IFT122: variants seen among roughly 807,000 people sequenced by gnomAD.
IFT122 encodes the protein intraflagellar transport 122.
IFT122 carries 118 observed loss-of-function variants against 161.6 expected under a neutral mutation model. The ratio of observed to expected loss-of-function variants is 0.73; its 90% confidence interval spans 0.63 to 0.85. IFT122 has a LOEUF of 0.85. Among genes scored for constraint, IFT122 ranks in the 40% least tolerant of loss-of-function variants. The pLI is 0.00. For synonymous variants in IFT122, 550 were observed against 602.4 expected (o/e 0.91, Z 1.27); for missense variants, 1,381 against 1,579.6 (o/e 0.87, Z 2.13).
intron 17 of IFT122, among the ~76,000 whole-genome samples, chr3:129,494,550 C>G (rs1177411253): frequency 6.6e-6 from 1 of 152,206 alleles, no homozygotes; most frequent in Non-Finnish European, 1.5e-5. Context: ...ATATGCTGCT[C>G]TTTCTAGAAA....
In IFT122 at chr3:129,463,924, T is replaced by C. The variant is rs182903744; in HGVS notation, c.416+298T>C. Among the ~76,000 whole-genome samples the C allele has an allele frequency of 7.9e-3, 1,204 of 152,312 alleles. 76 individuals are homozygous for C. Among genetic ancestry groups the C allele is most frequent in the Admixed American group, 0.075 (1,152 of 15,298 alleles). ...AGGCTGTCATTGTCCAGGCAGCATGTGTGGGGAAGAAAGCTTTCCCTCCCA... is the reference window on the plus strand; with the variant it reads ...AGGCTGTCATTGTCCAGGCAGCATGCGTGGGGAAGAAAGCTTTCCCTCCCA... On this transcript the variant is annotated intron_variant, in intron 6 of 29. Coordinates refer to ENST00000348417, the MANE Select transcript of IFT122 (RefSeq NM_052989.3).
At chr3:129,501,208 A>G (rs971917915) in intron 19 of IFT122, among the ~76,000 whole-genome samples, 1 of 152,148 alleles carries the variant, frequency 6.6e-6, no homozygotes, top group Non-Finnish European at 1.5e-5. Flanking sequence ...ATGTGCACAC[A>G]CACGTGCACA....
At position 129,488,253 on chromosome 3, in the gene IFT122, G is replaced by T. The variant is rs748685976; in HGVS notation, c.1852-4G>T. On this transcript the variant is annotated splice_polypyrimidine_tract_variant and splice_region_variant and intron_variant, in intron 15 of 29. Coordinates refer to ENST00000348417, the MANE Select transcript of IFT122 (RefSeq NM_052989.3). ...TCTTTTTTTCCCTTGATGAAATCCT[G>T]CAGTCCGCTCCCATGTACCAGTACC... is the stretch of plus-strand genomic sequence containing the variant. The T allele has an allele frequency of 6.2e-7, 1 of 1,614,120 alleles. No homozygotes were observed. The highest frequency in any genetic ancestry group is 1.1e-5 in the South Asian group (1 of 91,088).
At chr3:129,504,234 T>TC in intron 20 of IFT122, 85 bp from the exon 21 acceptor site, 1 of 1,133,284 alleles carries the variant, frequency 8.8e-7, no homozygotes, top group Middle Eastern at 2.8e-4. Flanking sequence ...AAATATGATG[T>TC]CCCTAATGGA....
rs914289314 is a variant in IFT122, at chr3:129,490,375, T to C, written c.1993-1766T>C. Among the ~76,000 whole-genome samples, 12 of 152,230 alleles carry C rather than the reference T, an allele frequency of 7.9e-5. 1 individual carries two copies. Among genetic ancestry groups the C allele is most frequent in the Admixed American group, 6.5e-4 (10 of 15,296 alleles). ...GAGATGGACAGCCATCCCCACTAGATGGCAGAGAAGAGCTGCTGAGCTCCC... is the reference window on the plus strand; with the variant it reads ...GAGATGGACAGCCATCCCCACTAGACGGCAGAGAAGAGCTGCTGAGCTCCC... On this transcript the variant is annotated intron_variant, in intron 16 of 29. Coordinates refer to ENST00000348417, the MANE Select transcript of IFT122 (RefSeq NM_052989.3).
rs772158524 is a variant in IFT122, at chr3:129,464,739, G to C, written c.521G>C (p.Gly174Ala). Residue 174 changes from glycine to alanine, a missense_variant, in exon 7 of 30, where the codon GGC (glycine) becomes GCC (alanine). Gly to Ala is a moderately conservative substitution (Grantham distance 60). This residue lies in a region of IFT122 where 544 missense variants were observed against 648.0 expected (regional missense o/e 0.84). Transcript: ENST00000348417. ...EEKVKIERPGGSLSPIWSICW... is the reference protein window; with the variant it reads ...EEKVKIERPGASLSPIWSICW... ...AAAGTAAAGATCGAGCGGCCGGGGGGCTCCCTCTCGCCAATATGGTCCATC... is the reference window on the plus strand; with the variant it reads ...AAAGTAAAGATCGAGCGGCCGGGGGCCTCCCTCTCGCCAATATGGTCCATC... The C allele has an allele frequency of 1.9e-6, 3 of 1,613,980 alleles. No homozygotes were observed. The highest frequency in any genetic ancestry group is 1.7e-5 in the Admixed American group (1 of 59,998).
chr3:129,491,116 G>A (rs1289445752), intron 16 of IFT122, among the ~76,000 whole-genome samples: 1 of 152,214 alleles, frequency 6.6e-6, no homozygotes, highest in Non-Finnish European at 1.5e-5. Flanking sequence ...TCAGTCTCTT[G>A]ACAGGAAGCC....
chr3:129,463,431 T>A, intron 5 of IFT122, 129 bp from the exon 6 acceptor site: 4 of 749,044 alleles, frequency 5.3e-6, no homozygotes, highest in South Asian at 1.5e-5. Flanking sequence ...TTTGAGATTA[T>A]GTTTTTTCAT....
chr3:129,486,606 G>GA (rs1405933966), intron 15 of IFT122, among the ~76,000 whole-genome samples: 1 of 152,214 alleles, frequency 6.6e-6, no homozygotes, highest in African/African-American at 2.4e-5. Context: ...GTCTGGAAAG[G>GA]AAGAGTGGAG....
chr3:129,463,896 G>T (rs1404918267), intron 6 of IFT122, among the ~76,000 whole-genome samples: 2 of 152,218 alleles, frequency 1.3e-5, no homozygotes, highest in Non-Finnish European at 2.9e-5. Flanking sequence ...TGTTGAAAAT[G>T]TGAGGCTGTC....
chr3:129,441,901 A>G (rs531588183), intron 1 of IFT122, among the ~76,000 whole-genome samples: 1 of 152,336 alleles, frequency 6.6e-6, no homozygotes, highest in East Asian at 1.9e-4. Context: ...TTTGGCTTCA[A>G]TGTCAGAGTA....
At chr3:129,446,157 A>G (rs55704863) in intron 1 of IFT122, among the ~76,000 whole-genome samples, 13,794 of 152,110 alleles carry the variant, frequency 0.091, 699 homozygotes, top group South Asian at 0.13. Context: ...TTCCTCTGCA[A>G]ACAGTAACTT....
chr3:129,505,106 G>A (rs77037433), intron 21 of IFT122, among the ~76,000 whole-genome samples: 3,136 of 152,282 alleles, frequency 0.021, 55 homozygotes, highest in South Asian at 0.037. Context: ...TCTGTGTCAG[G>A]CCCTGGCTGA....
intron 17 of IFT122, among the ~76,000 whole-genome samples, chr3:129,493,531 G>A (rs1432095520): frequency 1.3e-5 from 2 of 152,196 alleles, no homozygotes; most frequent in South Asian, 2.1e-4. Flanking sequence ...TCAGCAAGAC[G>A]ATGCCACATC....
intron 1 of IFT122, among the ~76,000 whole-genome samples, chr3:129,440,997 A>G (rs544842381): frequency 6.6e-6 from 1 of 152,322 alleles, no homozygotes; most frequent in African/African-American, 2.4e-5. Context: ...ATGATCAGAA[A>G]GGTGCTCAAA....
intron 7 of IFT122, among the ~76,000 whole-genome samples, 160 bp from the exon 8 acceptor site, chr3:129,466,730 T>C (rs2076834844): frequency 6.6e-6 from 1 of 152,168 alleles, no homozygotes; most frequent in Non-Finnish European, 1.5e-5. Context: ...CTTGAACTCC[T>C]GATCTCGAGC....
chr3:129,470,018 A>G (rs1207465555), intron 9 of IFT122, among the ~76,000 whole-genome samples: 2 of 152,078 alleles, frequency 1.3e-5, no homozygotes, highest in Non-Finnish European at 2.9e-5. Context: ...CTTGGTAGAG[A>G]TGGGAGGTCT....
intron 11 of IFT122, 142 bp from the exon 12 acceptor site, chr3:129,477,874 A>G (rs1179654571): frequency 4.2e-6 from 3 of 706,380 alleles, no homozygotes; most frequent in Non-Finnish European, 4.9e-6. Flanking sequence ...GATTGTATGT[A>G]TTAGATACTC....
At chr3:129,497,643 G>C (rs1400987658) in intron 18 of IFT122, among the ~76,000 whole-genome samples, 1 of 152,044 alleles carries the variant, frequency 6.6e-6, no homozygotes, top group Non-Finnish European at 1.5e-5. Context: ...CACTCCATTT[G>C]CTCCGTCTCT....
Sources: allele counts gnomAD v4.1 joint callset (sites outside exome capture counted in the v4.1 genomes callset), GRCh38; gene constraint gnomAD v4.1.1; regional missense constraint gnomAD v4.1.1; transcripts MANE v1.5; gene names NCBI Gene and HGNC (gene_info 2026-07-23, HGNC 2026-07-21).